PPP2R2C: variants seen among roughly 807,000 people sequenced by gnomAD.
PPP2R2C encodes the protein protein phosphatase 2 regulatory subunit Bgamma, also known as protein phosphatase 2, regulatory subunit B, gamma.
A neutral mutation model predicts 45.3 loss-of-function variants in PPP2R2C; 10 were observed. That is an observed-to-expected ratio of 0.22 (90% CI 0.14 to 0.37). The LOEUF is 0.37. Ranked by LOEUF, PPP2R2C falls within the 10% of genes least tolerant of loss-of-function variation. The probability of loss-of-function intolerance (pLI) is 1.00; values close to 1 mark genes in which losing one functional copy is unlikely to be tolerated. For missense variants in PPP2R2C, 308 were observed against 619.7 expected, an observed-to-expected ratio of 0.50 and a Z score of 5.34; for synonymous variants, 257 against 245.4, an observed-to-expected ratio of 1.05 and a Z score of -0.44.
intron 1 of PPP2R2C, among the ~76,000 whole-genome samples, chr4:6,396,175 G>A (rs1175894011): frequency 6.6e-6 from 1 of 152,184 alleles, no homozygotes. Context: ...CCCAGGAGCA[G>A]GCTGCTTCTC....
intron 1 of PPP2R2C, among the ~76,000 whole-genome samples, chr4:6,399,970 A>G (rs1717306122): frequency 1.3e-5 from 2 of 152,334 alleles, no homozygotes; most frequent in South Asian, 4.1e-4. Flanking sequence ...CTCTGTCTCC[A>G]TGTTGGGTTC....
intron 8 of PPP2R2C, among the ~76,000 whole-genome samples, chr4:6,327,204 AC>A (rs1732012877): frequency 1.3e-5 from 2 of 152,180 alleles, no homozygotes; most frequent in African/African-American, 4.8e-5. Flanking sequence ...CCCCCAGGGC[AC>A]CCCACCCATT....
chr4:6,513,878 C>A (rs998079974), intron 2 of PPP2R2C, among the ~76,000 whole-genome samples: 3 of 152,226 alleles, frequency 2.0e-5, no homozygotes, highest in Admixed American at 2.0e-4. Flanking sequence ...ACCACCCACT[C>A]TCTCCTTGAA....
chr4:6,511,499 CGGTGATGGTGGT>C, intron 2 of PPP2R2C, among the ~76,000 whole-genome samples: 1 of 5,664 alleles, frequency 1.8e-4, no homozygotes, highest in African/African-American at 6.8e-4. Context: ...GTGGTGATGG[CGGTGATGGTGGT>C]GGTGGTGGTG....
intron 1 of PPP2R2C, among the ~76,000 whole-genome samples, chr4:6,546,630 T>C (rs909064770): frequency 6.6e-6 from 1 of 152,276 alleles, no homozygotes; most frequent in East Asian, 1.9e-4. Context: ...GATGCAAAGG[T>C]TGGGGACCAC....
In PPP2R2C at chr4:6,320,959, C is replaced by T. The variant is rs1266262914; in HGVS notation, c.*2343G>A. On this transcript the variant is annotated 3_prime_UTR_variant, in exon 9 of 9. Coordinates refer to ENST00000382599, the MANE Select transcript of PPP2R2C (RefSeq NM_020416.4). ...CCGTTTCTGGTTTTGTCCCTCCCCT[C>T]GACACCTTTTCTTAACACACATTTG... The T allele has an allele frequency of 2.0e-5, 3 of 152,202 alleles. No homozygotes were observed. The highest frequency in any genetic ancestry group is 4.8e-5 in the African/African-American group (2 of 41,448). 9.4% of individuals were successfully genotyped at this position (152,202 alleles called of 1,614,324 possible). A position where few individuals can be genotyped will look rare whatever the true frequency, so the allele number is the denominator to read the frequency against.
In PPP2R2C at chr4:6,376,275, G is replaced by A. The variant is rs1443082190; in HGVS notation, c.335-344C>T. On this transcript the variant is annotated intron_variant, in intron 3 of 8. Transcript: ENST00000382599. ...AGCACCATGTTGATGAGAAGGAACT[G>A]GGAAGAGAACTGAGAACTGGGGTCA... is the stretch of plus-strand genomic sequence containing the variant. Among the ~76,000 whole-genome samples, 141 of 152,286 alleles carry A rather than the reference G, an allele frequency of 9.3e-4. 1 individual carries two copies. Among genetic ancestry groups the A allele is most frequent in the Non-Finnish European group, 1.5e-5 (1 of 68,024 alleles).
At chr4:6,500,250 C>T (rs186312489) in intron 2 of PPP2R2C, among the ~76,000 whole-genome samples, 102 of 152,250 alleles carry the variant, frequency 6.7e-4, no homozygotes, top group Non-Finnish European at 1.2e-3. Flanking sequence ...CGAGTTCAAG[C>T]GATTCTCTTG....
chr4:6,325,600 T>C (rs372880314), intron 8 of PPP2R2C, among the ~76,000 whole-genome samples: 6 of 152,276 alleles, frequency 3.9e-5, no homozygotes, highest in East Asian at 1.9e-4. Flanking sequence ...TTAAAGTCAT[T>C]TGCAACCCAC....
At position 6,472,029 on chromosome 4, in the gene PPP2R2C, A is replaced by ATGGGGTGGGG. The variant is rs1183148365; in HGVS notation, c.70+121_70+130dup. ...ATGGGATGGGGTGGGGTGGGGTGGG[A>ATGGGGTGGGG]TGGGGTGGGGTGGGGTGGGGCGGGG... On this transcript the variant is annotated intron_variant, in intron 1 of 8. Transcript: ENST00000382599. 49 of 841,866 alleles carry ATGGGGTGGGG rather than the reference A, an allele frequency of 5.8e-5. 1 individual carries two copies. The highest frequency in any genetic ancestry group is 2.4e-4 in the African/African-American group (5 of 21,108). 52.1% of individuals were successfully genotyped at this position (841,866 alleles called of 1,614,324 possible). A position where few individuals can be genotyped will look rare whatever the true frequency, so the allele number is the denominator to read the frequency against.
In PPP2R2C at chr4:6,505,158, C is replaced by T. The variant is rs547917109; in HGVS notation, c.49+30113G>A. On this transcript the variant is annotated intron_variant, in intron 2 of 9. Coordinates refer to the PPP2R2C transcript ENST00000506140. The stretch of plus-strand genomic sequence containing the variant: ...GCGGTGGGATGACATCTTTAAAGTG[C>T]TTGGAAAAAAAAAAGCCTGTCAATC... Among the ~76,000 whole-genome samples, 190 of 137,574 alleles carry T rather than the reference C, an allele frequency of 1.4e-3. 1 individual carries two copies. The highest frequency in any genetic ancestry group is 4.6e-3 in the Admixed American group (59 of 12,708). The allele number at this position is 137,574 out of a possible 152,430, so 90.3% of individuals were successfully genotyped here.
intron 1 of PPP2R2C, among the ~76,000 whole-genome samples, chr4:6,469,074 C>G (rs1721723490): frequency 1.3e-5 from 1 of 76,332 alleles, no homozygotes; most frequent in Non-Finnish European, 2.4e-5. Context: ...CCAGCCCTGC[C>G]ACCAAAAAAA....
intron 1 of PPP2R2C, among the ~76,000 whole-genome samples, chr4:6,418,875 G>C (rs1264318740): frequency 6.6e-6 from 1 of 151,814 alleles, no homozygotes; most frequent in African/African-American, 2.4e-5. Context: ...TGTCATGCCT[G>C]GTTCTGGGGA....
chr4:6,522,621 G>A (rs1045804961), intron 2 of PPP2R2C, among the ~76,000 whole-genome samples: 61 of 152,392 alleles, frequency 4.0e-4, no homozygotes, highest in African/African-American at 1.4e-3. Flanking sequence ...ACTGAGTTCT[G>A]CTCAAATGTG....
chr4:6,409,930 C>A (rs1365198526), intron 1 of PPP2R2C, among the ~76,000 whole-genome samples: 1 of 152,204 alleles, frequency 6.6e-6, no homozygotes, highest in Non-Finnish European at 1.5e-5. Flanking sequence ...CCATTTTCAC[C>A]TCCAACTGAG....
At chr4:6,501,169 C>A (rs561549895) in intron 2 of PPP2R2C, among the ~76,000 whole-genome samples, 63 of 152,260 alleles carry the variant, frequency 4.1e-4, no homozygotes, top group Non-Finnish European at 7.2e-4. Flanking sequence ...TTGCTCTGTG[C>A]CTAGGATGCT....
Position 6,333,790 on chromosome 4 carries a change from C to T in PPP2R2C, c.791-59G>A, listed in dbSNP as rs1732615855. The T allele has an allele frequency of 6.3e-6, 10 of 1,582,644 alleles. No individual in the cohort carries two copies. In the East Asian group the frequency reaches 1.1e-4, roughly 18 times the overall value. Reference sequence around the variant, plus strand: ...GCTGCTCCCGCCCATGGGGTTGGCACGACGGATGACTCTGTTTTGCACCTG... The same window carrying T: ...GCTGCTCCCGCCCATGGGGTTGGCATGACGGATGACTCTGTTTTGCACCTG... On this transcript the variant is annotated intron_variant, in intron 6 of 8. Coordinates refer to ENST00000382599, the MANE Select transcript of PPP2R2C (RefSeq NM_020416.4).
At chr4:6,438,910 G>A (rs1227916235) in intron 1 of PPP2R2C, among the ~76,000 whole-genome samples, 2 of 152,144 alleles carry the variant, frequency 1.3e-5, no homozygotes, top group African/African-American at 4.8e-5. Flanking sequence ...ACACAGTGCG[G>A]GCACAGAGCA....
intron 6 of PPP2R2C, among the ~76,000 whole-genome samples, chr4:6,346,731 C>G (rs546576153): frequency 1.2e-4 from 18 of 152,274 alleles, no homozygotes; most frequent in African/African-American, 4.3e-4. Context: ...GAGCCTGAGT[C>G]CTGGGGCTGG....
Sources: gnomAD v4.1 joint callset for allele counts (sites outside exome capture counted in the v4.1 genomes callset) on GRCh38, gnomAD v4.1.1 for gene constraint, MANE v1.5 for transcripts, NCBI Gene and HGNC (gene_info 2026-07-23, HGNC 2026-07-21) for gene names.